Variants in DNAH9 observed in about 807,000 individuals in gnomAD.
The protein encoded by DNAH9 is DNAH9 variant protein.
DNAH9 carries 345 observed loss-of-function variants against 471.6 expected under a neutral mutation model. The ratio of observed to expected loss-of-function variants is 0.73; its 90% CI spans 0.67 to 0.80. The LOEUF is 0.80. Ranked by LOEUF, DNAH9 falls within the 30% of genes least tolerant of loss-of-function variation. DNAH9 has a pLI of 0.00. For missense variants in DNAH9, 5,407 were observed against 5,609.2 expected (o/e 0.96, Z 1.15); for synonymous variants, 2,093 against 2,123.6 (o/e 0.99, Z 0.40).
At chr17:11,689,178 G>A (rs2074290500) in intron 19 of DNAH9, among the ~76,000 whole-genome samples, 1 of 152,070 alleles carries the variant, frequency 6.6e-6, no homozygotes, top group Non-Finnish European at 1.5e-5. Flanking sequence ...TCCGGCTTCT[G>A]CTGTAATATG....
intron 39 of DNAH9, among the ~76,000 whole-genome samples, chr17:11,783,348 C>G (rs1968738481): frequency 6.6e-6 from 1 of 152,216 alleles, no homozygotes; most frequent in South Asian, 2.1e-4. Context: ...TGGTTGACCA[C>G]TCTCTTCTTT....
intron 43 of DNAH9, among the ~76,000 whole-genome samples, chr17:11,799,486 C>G (rs192177814): frequency 4.7e-4 from 71 of 152,248 alleles, no homozygotes; most frequent in Non-Finnish European, 8.1e-4. Flanking sequence ...CCTTACTTTC[C>G]TTTTTAACCA....
chr17:11,762,776 T>TTG (rs1567783338), intron 35 of DNAH9, among the ~76,000 whole-genome samples: 8 of 116,538 alleles, frequency 6.9e-5, no homozygotes, highest in South Asian at 2.9e-4. Flanking sequence ...TTTTGTTTTT[T>TTG]TTTTTTTTTT....
In DNAH9 at chr17:11,680,779, G is replaced by A. The variant is rs199713382; in HGVS notation, c.3633G>A (p.Gln1211=). ...IKKVAITVKQ[Q]VAPLQANEVT... The stretch of plus-strand genomic sequence containing the variant: ...AGGTGGCCATTACTGTGAAGCAGCA[G>A]GTGGCCCCACTGCAGGCAAATGAAG... Residue 1211 remains glutamine (Q), a synonymous_variant, in exon 19 of 69, where the codon CAG becomes CAA. Coordinates refer to ENST00000262442, the MANE Select transcript of DNAH9 (RefSeq NM_001372.4). 6.2e-7 allele frequency: 1 copy of A among 1,613,980 alleles called. No homozygotes were observed. Among genetic ancestry groups the A allele is most frequent in the African/African-American group, 1.3e-5 (1 of 75,046 alleles).
chr17:11,879,496 T>C (rs1972631004), intron 53 of DNAH9, among the ~76,000 whole-genome samples: 2 of 152,308 alleles, frequency 1.3e-5, no homozygotes, highest in Admixed American at 1.3e-4. Context: ...AAATTATTGT[T>C]ATTCTTTGTT....
At chr17:11,709,322 T>C (rs1210805026) in intron 26 of DNAH9, among the ~76,000 whole-genome samples, 4 of 152,216 alleles carry the variant, frequency 2.6e-5, no homozygotes, top group Non-Finnish European at 5.9e-5. Context: ...GACAAAGTAG[T>C]ATGTAGCTGA....
At chr17:11,893,142 T>G (rs1973105196) in intron 58 of DNAH9, among the ~76,000 whole-genome samples, 1 of 130,750 alleles carries the variant, frequency 7.6e-6, no homozygotes, top group Non-Finnish European at 1.6e-5. Flanking sequence ...ACCCCCTATA[T>G]TCCCCACTCC....
At chr17:11,652,483 C>T (rs771674139) in intron 13 of DNAH9, among the ~76,000 whole-genome samples, 36 of 151,894 alleles carry the variant, frequency 2.4e-4, no homozygotes, top group Non-Finnish European at 4.6e-4. Flanking sequence ...GACAGGGTTT[C>T]ACCGTGTTAG....
At chr17:11,839,624 A>G (rs923751831) in intron 49 of DNAH9, among the ~76,000 whole-genome samples, 1 of 152,132 alleles carries the variant, frequency 6.6e-6, no homozygotes, top group Non-Finnish European at 1.5e-5. Context: ...GATGGCTCCT[A>G]TAATAATTTG....
intron 26 of DNAH9, among the ~76,000 whole-genome samples, chr17:11,706,897 G>A (rs1419350047): frequency 2.0e-5 from 3 of 152,256 alleles, no homozygotes; most frequent in South Asian, 2.1e-4. Flanking sequence ...AGGGAGTTCC[G>A]ACTTTGGGGG....
intron 51 of DNAH9, among the ~76,000 whole-genome samples, chr17:11,870,203 A>T (rs1597764420): frequency 6.6e-6 from 1 of 152,230 alleles, no homozygotes; most frequent in Non-Finnish European, 1.5e-5. Flanking sequence ...TATAGGTCAA[A>T]GCAGTCACAG....
Position 11,891,856 on chromosome 17 carries a change from TAGAC to T in DNAH9, c.11195_11198del (p.Asp3732AlafsTer2), listed in dbSNP as rs1567880135. ...CTCAGGGAGCGGGTGGCCAACCTAA[TAGAC>T]AGCATAACCTTCTCTGTGTACCAGT... On this transcript the variant is annotated frameshift_variant, in exon 58 of 69. Coordinates refer to ENST00000262442, the MANE Select transcript of DNAH9 (RefSeq NM_001372.4). LOFTEE classifies it high-confidence loss of function. 3 of 1,614,106 alleles carry T rather than the reference TAGAC, an allele frequency of 1.9e-6. No individual in the cohort carries two copies. The highest frequency in any genetic ancestry group is 1.1e-5 in the South Asian group (1 of 91,076).
chr17:11,727,074 A>AAC (rs2075167100), intron 27 of DNAH9, among the ~76,000 whole-genome samples: 3 of 139,946 alleles, frequency 2.1e-5, no homozygotes, highest in African/African-American at 8.6e-5. Flanking sequence ...AAAAAAAAAA[A>AAC]AAACCCGCTG....
At chr17:11,747,882 C>T (rs1010044879) in intron 32 of DNAH9, 116 bp downstream of exon 32, 4 of 939,458 alleles carry the variant, frequency 4.3e-6, no homozygotes, top group African/African-American at 1.6e-5. Flanking sequence ...TGTTTGGAAC[C>T]GCGGAGGGAG....
At chr17:11,898,046 C>CCATCTTCA (rs751003550) in intron 59 of DNAH9, among the ~76,000 whole-genome samples, 11 of 152,144 alleles carry the variant, frequency 7.2e-5, no homozygotes, top group Non-Finnish European at 1.6e-4. Context: ...GGGTCTGTCT[C>CCATCTTCA]CATCTTCACA....
Position 11,923,903 on chromosome 17 carries a change from G to A in DNAH9, c.11839G>A (p.Asp3947Asn). The A allele has an allele frequency of 1.2e-6, 2 of 1,613,988 alleles. No homozygotes were observed. Among genetic ancestry groups the A allele is most frequent in the East Asian group, 4.5e-5 (2 of 44,858 alleles). Reference sequence around the variant, plus strand: ...GGAAGTGGTGGCTGAGGCTGCGCTGGACCTCGCTGCCAAGAAAGGTCACTG... The same window carrying A: ...GGAAGTGGTGGCTGAGGCTGCGCTGAACCTCGCTGCCAAGAAAGGTCACTG... ...GQEVVAEAALDLAAKKGHWVI... is the reference protein window; with the variant it reads ...GQEVVAEAALNLAAKKGHWVI... Residue 3947 changes from aspartate (D) to asparagine (N), a missense_variant, in exon 62 of 69, where the codon GAC (aspartate) becomes AAC (asparagine). This residue lies in a region of DNAH9 where 4,636 missense variants were observed against 4,900.3 expected (regional missense o/e 0.95). Coordinates refer to ENST00000262442, the MANE Select transcript of DNAH9 (RefSeq NM_001372.4).
chr17:11,968,767 T>C (rs961806497), intron 68 of DNAH9, among the ~76,000 whole-genome samples: 16 of 152,266 alleles, frequency 1.1e-4, no homozygotes, highest in African/African-American at 3.6e-4. Flanking sequence ...GGAGGCCTCA[T>C]CTGGAAAGCT....
intron 27 of DNAH9, among the ~76,000 whole-genome samples, chr17:11,724,183 T>C (rs1341508472): frequency 6.6e-6 from 1 of 152,192 alleles, no homozygotes; most frequent in Non-Finnish European, 1.5e-5. Context: ...ATTGTTTCTT[T>C]GTGTTGGGAA....
At chr17:11,729,087 T>C (rs1172462102) in intron 28 of DNAH9, among the ~76,000 whole-genome samples, 1 of 152,102 alleles carries the variant, frequency 6.6e-6, no homozygotes, top group African/African-American at 2.4e-5. Context: ...CCCAGAGACA[T>C]CTGGGAGGGA....
Sources: allele counts gnomAD v4.1 joint callset (sites outside exome capture counted in the v4.1 genomes callset), GRCh38; gene constraint gnomAD v4.1.1; regional missense constraint gnomAD v4.1.1; transcripts MANE v1.5; gene names NCBI Gene and HGNC (gene_info 2026-07-23, HGNC 2026-07-21).